USP16: variants seen among roughly 807,000 people sequenced by gnomAD.
USP16 encodes ubiquitin carboxyl-terminal hydrolase 16.
In USP16, 77 loss-of-function variants were observed where a neutral mutation model predicts 95.9. The ratio of observed to expected loss-of-function variants is 0.80; its 90% CI spans 0.67 to 0.97. USP16 has a LOEUF of 0.97. USP16 is among the 50% of genes least tolerant of loss of function. The pLI is 0.00. For missense variants in USP16, 943 were observed against 959.9 expected, an observed-to-expected ratio of 0.98 and a Z score of 0.23; for synonymous variants, 303 against 318.2, an observed-to-expected ratio of 0.95 and a Z score of 0.51.
In USP16 at chr21:29,024,668, A is replaced by G. The variant is rs1475384319; in HGVS notation, c.-151A>G. On this transcript the variant is annotated 5_prime_UTR_variant, in exon 1 of 18. Coordinates refer to ENST00000399976, the MANE Select transcript of USP16 (RefSeq NM_006447.3). The stretch of plus-strand genomic sequence containing the variant: ...CGGAAGTTATTGCTTTCCAGGGGTC[A>G]CTCTGGCTTCGACTCCGTCGCTCTC... 7.8e-7 allele frequency: 1 copy of G among 1,277,842 alleles called. No individual in the cohort carries two copies. Among genetic ancestry groups the G allele is most frequent in the Non-Finnish European group, 1.0e-6 (1 of 978,450 alleles). 79.2% of individuals were successfully genotyped at this position (1,277,842 alleles called of 1,614,324 possible).
At chr21:29,054,027 CTT>C in intron 17 of USP16, 37 bp from the exon 18 acceptor site, 1 of 1,613,586 alleles carries the variant, frequency 6.2e-7, no homozygotes, top group African/African-American at 1.3e-5. Flanking sequence ...CAACTTGAAT[CTT>C]TCCATTTATG....
Position 29,047,003 on chromosome 21 carries a change from G to A in USP16, c.1693G>A (p.Gly565Arg), listed in dbSNP as rs751284093. 7 of 1,614,132 alleles carry A rather than the reference G, an allele frequency of 4.3e-6. 1 individual carries two copies. The South Asian group carries it at 7.7e-5, about 18-fold the overall frequency. The change falls in exon 14 of 18, where the codon GGG becomes AGG. Residue 565 changes from glycine to arginine, a missense_variant. Transcript: ENST00000399976. ...RNLNGAYLTE[G>R]SNGEVDISNG... ...TTTAAATGGTGCCTACCTAACGGAA[G>A]GGAGCAATGGAGAAGTGGACATTTC...
At position 29,054,440 on chromosome 21, in the gene USP16, T is replaced by C. The variant is rs1019616360; in HGVS notation, c.*253T>C. ...TTACTTAAGTACTTTGTGTTTAATATATCTGGGTGATGGATCACAACACAT... is the reference window on the plus strand; with the variant it reads ...TTACTTAAGTACTTTGTGTTTAATACATCTGGGTGATGGATCACAACACAT... On this transcript the variant is annotated 3_prime_UTR_variant, in exon 18 of 18. Transcript: ENST00000399976. 1.1e-5 allele frequency: 5 copies of C among 455,728 alleles called. No homozygotes were observed. The Admixed American group carries it at 1.9e-4, about 18-fold the overall frequency. The allele number at this position is 455,728 out of a possible 1,614,324, so 28.2% of individuals were successfully genotyped here. A position where few individuals can be genotyped will look rare whatever the true frequency, so the allele number is the denominator to read the frequency against.
intron 1 of USP16, among the ~76,000 whole-genome samples, chr21:29,025,183 A>G (rs968814075): frequency 1.3e-5 from 2 of 152,178 alleles, no homozygotes; most frequent in Admixed American, 1.3e-4. Context: ...CCAATTGACT[A>G]TATCTAGGAG....
At position 29,047,221 on chromosome 21, in the gene USP16, A is replaced by G. The variant is rs2085340083; in HGVS notation, c.1911A>G (p.Leu637=). The part of the protein sequence containing the change: ...NTDECSIQHC[L]YQFTRNEKLR... ...ATGAGTGTTCAATCCAACATTGTTTATATCAGTTCACCCGTAATGAGAAAC... is the reference window on the plus strand; with the variant it reads ...ATGAGTGTTCAATCCAACATTGTTTGTATCAGTTCACCCGTAATGAGAAAC... Residue 637 remains leucine (L), a synonymous_variant, in exon 14 of 18, where the codon TTA becomes TTG. Coordinates refer to ENST00000399976, the MANE Select transcript of USP16 (RefSeq NM_006447.3). 2.5e-6 allele frequency: 4 copies of G among 1,614,204 alleles called. No individual in the cohort carries two copies. The highest frequency in any genetic ancestry group is 1.3e-5 in the African/African-American group (1 of 75,070).
chr21:29,038,525 T>C (rs536388662), intron 7 of USP16, 95 bp downstream of exon 7: 355 of 971,582 alleles, frequency 3.7e-4, no homozygotes, highest in Non-Finnish European at 5.1e-4. Context: ...TCCACTGTTT[T>C]TGTTTGTTTT....
chr21:29,044,834 CTA>C (rs1419721305), intron 13 of USP16, among the ~76,000 whole-genome samples: 1 of 151,966 alleles, frequency 6.6e-6, no homozygotes, highest in Non-Finnish European at 1.5e-5. Context: ...AACCATTTCT[CTA>C]TTGATTTAGG....
At position 29,031,522 on chromosome 21, in the gene USP16, T is replaced by C. The variant is rs1231548592; in HGVS notation, c.240+749T>C. ...GGCACAATCTTGGCTCATGGCAGCC[T>C]CCACCTCCCAGGTTCAAGCAGTTTT... On this transcript the variant is annotated intron_variant, in intron 3 of 17. Transcript: ENST00000399976. Among the ~76,000 whole-genome samples the C allele has an allele frequency of 2.0e-5, 3 of 152,262 alleles. No homozygotes were observed. The East Asian group carries it at 5.8e-4, about 29-fold the overall frequency.
In USP16 at chr21:29,030,732, G is replaced by C; in HGVS notation, c.199G>C (p.Glu67Gln). 1 of 1,613,196 alleles carries C rather than the reference G, an allele frequency of 6.2e-7. No homozygotes were observed. The change falls in exon 3 of 18, where the codon GAA becomes CAA. Residue 67 changes from glutamate to glutamine, a missense_variant. Transcript: ENST00000399976. ...AGATAAAGCTGAAGAAGAAACAGAA[G>C]AAAAGCCTTCAGTTTGGCTGTGTCT... is the stretch of plus-strand genomic sequence containing the variant. ...VKDKAEEETE[E>Q]KPSVWLCLKC... is the part of the protein sequence containing the mutation.
chr21:29,046,664 C>G lies in USP16; in HGVS notation c.1357-3C>G. ...TTTTTGATGCCGTATACTTTTTACC[C>G]AGAACCAACGAAGACAACAAAAAAT... On this transcript the variant is annotated splice_region_variant and splice_polypyrimidine_tract_variant and intron_variant, in intron 13 of 17. Transcript: ENST00000399976. The G allele has an allele frequency of 6.3e-7, 1 of 1,596,226 alleles. No individual in the cohort carries two copies. Among genetic ancestry groups the G allele is most frequent in the Non-Finnish European group, 8.5e-7 (1 of 1,173,534 alleles).
chr21:29,044,289 CCTT>C (rs1206122574), intron 13 of USP16, among the ~76,000 whole-genome samples: 3 of 151,934 alleles, frequency 2.0e-5, no homozygotes, highest in Non-Finnish European at 4.4e-5. Context: ...TCTTACGTAT[CCTT>C]CTGGAGTTTC....
At chr21:29,048,691 A>G (rs2085367411) in intron 14 of USP16, 70 bp from the exon 15 acceptor site, 1 of 1,210,518 alleles carries the variant, frequency 8.3e-7, no homozygotes. Flanking sequence ...GAATGATTTT[A>G]TAGCAAATCT....
chr21:29,053,616 ATTTATAAT>A, intron 16 of USP16, 178 bp from the exon 17 acceptor site: 1 of 541,020 alleles, frequency 1.8e-6, no homozygotes, highest in Non-Finnish European at 3.1e-6. Context: ...ACAATGGTGA[ATTTATAAT>A]AAAAACAGAA....
chr21:29,047,958 A>ATG (rs1314526300), intron 14 of USP16, among the ~76,000 whole-genome samples: 4 of 150,088 alleles, frequency 2.7e-5, no homozygotes, highest in African/African-American at 7.5e-5. Flanking sequence ...ATATATATAT[A>ATG]TGTGTGTGTA....
At chr21:29,046,633 C>T (rs1386769830) in intron 13 of USP16, 34 bp from the exon 14 acceptor site, 3 of 1,551,868 alleles carry the variant, frequency 1.9e-6, no homozygotes, top group Non-Finnish European at 2.6e-6. Flanking sequence ...CTTTCTTTTT[C>T]TTTATTTTTT....
intron 4 of USP16, among the ~76,000 whole-genome samples, chr21:29,035,625 C>T (rs1043848508): frequency 4.6e-5 from 7 of 151,954 alleles, no homozygotes; most frequent in African/African-American, 1.5e-4. Flanking sequence ...CCTTGTGATC[C>T]GCATGCCTCA....
intron 15 of USP16, among the ~76,000 whole-genome samples, 169 bp downstream of exon 15, chr21:29,049,024 G>A (rs2085373892): frequency 2.0e-5 from 3 of 152,154 alleles, no homozygotes; most frequent in South Asian, 2.1e-4. Context: ...AGGCAGAGGC[G>A]CATGTGAAGA....
chr21:29,051,520 T>G (rs1407189305), intron 16 of USP16, among the ~76,000 whole-genome samples: 1 of 152,104 alleles, frequency 6.6e-6, no homozygotes, highest in Non-Finnish European at 1.5e-5. Context: ...ACAAAGGATC[T>G]CAAAGAATCT....
At chr21:29,030,868 A>G in intron 3 of USP16, 95 bp downstream of exon 3, 3 of 1,370,446 alleles carry the variant, frequency 2.2e-6, no homozygotes, top group Non-Finnish European at 3.0e-6. Flanking sequence ...GGATAAAAGG[A>G]TACTAGTAAC....
Sources: gnomAD v4.1 joint callset for allele counts (sites outside exome capture counted in the v4.1 genomes callset) on GRCh38, gnomAD v4.1.1 for gene constraint, MANE v1.5 for transcripts, NCBI Gene and HGNC (gene_info 2026-07-23, HGNC 2026-07-21) for gene names.